Variants in MED13L observed in about 807,000 individuals in gnomAD.
The protein encoded by MED13L is mediator complex subunit 13L, also known as mediator of RNA polymerase II transcription subunit 13-like.
In MED13L, 7 loss-of-function variants were observed where a neutral mutation model predicts 220.9. That is an observed-to-expected ratio of 0.03 (90% confidence interval 0.02 to 0.06). The LOEUF (loss-of-function observed/expected upper bound fraction) is 0.06. Ranked by LOEUF, MED13L falls within the 10% of genes least tolerant of loss-of-function variation. The pLI is 1.00. For missense variants in MED13L, 1,965 were observed against 2,760.5 expected (o/e 0.71, Z 6.46); for synonymous variants, 1,011 against 1,015.2 (o/e 1.00, Z 0.08).
rs573049226 is a variant in MED13L, at chr12:116,138,113, C to T, written c.311-26601G>A. Among the ~76,000 whole-genome samples, 153 of 152,270 alleles carry T rather than the reference C, an allele frequency of 1.0e-3. 1 individual carries two copies. The highest frequency in any genetic ancestry group is 1.8e-3 in the African/African-American group (74 of 41,548). Reference sequence around the variant, plus strand: ...TCAGGCAATCCGCCCGCCTCAGCCTCCCAAAGTGCTGGGATTGCAGGCGTG... The same window carrying T: ...TCAGGCAATCCGCCCGCCTCAGCCTTCCAAAGTGCTGGGATTGCAGGCGTG... On this transcript the variant is annotated intron_variant, in intron 2 of 30. Coordinates refer to ENST00000281928, the MANE Select transcript of MED13L (RefSeq NM_015335.5).
At position 116,008,862 on chromosome 12, in the gene MED13L, T is replaced by G. The variant is rs765566328; in HGVS notation, c.1551A>C (p.Leu517Phe). 5.4e-5 allele frequency: 87 copies of G among 1,613,954 alleles called. No individual in the cohort carries two copies. The highest frequency in any genetic ancestry group is 7.1e-5 in the Non-Finnish European group (84 of 1,179,970). ...CATATTTCCTACTGCTAGACACCTC[T>G]AAGGAGGAGTCTATCCCTGCCAACC... ...KLGLAGIDSS[L>F]EVSSSRKYDK... is the part of the protein sequence containing the mutation. Residue 517 changes from leucine (L) to phenylalanine (F), a missense_variant, in exon 10 of 31, where the codon TTA (leucine) becomes TTC (phenylalanine). Physicochemically the swap from Leu to Phe is conservative, Grantham distance 22 (BLOSUM62 0). Around this residue, in one of 10 missense-constraint regions of MED13L, gnomAD observed 818 missense variants for 1,041.2 expected, o/e 0.79. Coordinates refer to ENST00000281928, the MANE Select transcript of MED13L (RefSeq NM_015335.5).
At position 115,987,599 on chromosome 12, in the gene MED13L, C is replaced by G. The variant is rs542054887; in HGVS notation, c.3935-311G>C. Among the ~76,000 whole-genome samples, 134 of 151,978 alleles carry G rather than the reference C, an allele frequency of 8.8e-4. 1 individual carries two copies. The highest frequency in any genetic ancestry group is 3.1e-3 in the African/African-American group (129 of 41,456). On this transcript the variant is annotated intron_variant, in intron 17 of 30. Coordinates refer to ENST00000281928, the MANE Select transcript of MED13L (RefSeq NM_015335.5). ...TTTTAAAACCATGGAAATCTGTTTC[C>G]AAGGATTTTCATAAGACAGCTGCAA...
intron 2 of MED13L, among the ~76,000 whole-genome samples, chr12:116,205,609 G>A (rs938401557): frequency 6.6e-6 from 1 of 151,306 alleles, no homozygotes; most frequent in Non-Finnish European, 1.5e-5. Flanking sequence ...TTGGCCAGAG[G>A]GAGGGAGAAA....
intron 2 of MED13L, among the ~76,000 whole-genome samples, chr12:116,171,180 G>T (rs1879658721): frequency 6.6e-6 from 1 of 152,200 alleles, no homozygotes; most frequent in South Asian, 2.1e-4. Flanking sequence ...TCCCTTGATG[G>T]TTGCAGACCA....
chr12:116,109,693 A>C (rs1873910334), intron 3 of MED13L, among the ~76,000 whole-genome samples: 1 of 152,190 alleles, frequency 6.6e-6, no homozygotes, highest in African/African-American at 2.4e-5. Context: ...ATTTTCTTGG[A>C]TAGAGTTTCT....
intron 2 of MED13L, among the ~76,000 whole-genome samples, chr12:116,125,052 T>C (rs560170794): frequency 6.6e-6 from 1 of 152,334 alleles, no homozygotes; most frequent in South Asian, 2.1e-4. Context: ...ACACTAAGAA[T>C]GTGCTACAAA....
At chr12:116,077,981 A>G (rs1175398442) in intron 4 of MED13L, among the ~76,000 whole-genome samples, 1 of 152,016 alleles carries the variant, frequency 6.6e-6, no homozygotes, top group African/African-American at 2.4e-5. Flanking sequence ...GGTCTCTACT[A>G]AAAATACAAA....
intron 4 of MED13L, among the ~76,000 whole-genome samples, chr12:116,079,774 C>T (rs1044680701): frequency 2.0e-5 from 3 of 152,034 alleles, no homozygotes; most frequent in African/African-American, 4.8e-5. Flanking sequence ...TGGGCTCAAG[C>T]GATTCACCAG....
chr12:116,172,808 T>C (rs1468232802), intron 2 of MED13L, among the ~76,000 whole-genome samples: 1 of 151,786 alleles, frequency 6.6e-6, no homozygotes, highest in Admixed American at 6.6e-5. Flanking sequence ...CCTCATAACC[T>C]GGTTGGTACA....
intron 2 of MED13L, among the ~76,000 whole-genome samples, chr12:116,126,305 C>G (rs981618982): frequency 6.6e-6 from 1 of 152,140 alleles, no homozygotes; most frequent in African/African-American, 2.4e-5. Context: ...TATGTTCTTT[C>G]GAAATCTGGC....
chr12:116,120,471 TCTCTCTCACACACACACACA>T (rs1372385998), intron 2 of MED13L, among the ~76,000 whole-genome samples: 1 of 114,534 alleles, frequency 8.7e-6, no homozygotes, highest in Non-Finnish European at 1.9e-5. Context: ...TCTCTCTCTC[TCTCTCTCACACACACACACA>T]CACACACACA....
intron 1 of MED13L, among the ~76,000 whole-genome samples, chr12:116,264,713 C>G (rs1872718333): frequency 6.6e-6 from 1 of 152,168 alleles, no homozygotes; most frequent in Non-Finnish European, 1.5e-5. Context: ...TATCTTCCAT[C>G]TTTCCTTCTG....
chr12:116,171,587 A>G (rs574876873), intron 2 of MED13L, among the ~76,000 whole-genome samples: 2 of 152,184 alleles, frequency 1.3e-5, no homozygotes, highest in Non-Finnish European at 2.9e-5. Flanking sequence ...TCCTCTTGCA[A>G]TGGCTCCAGT....
At chr12:115,963,324 T>C in intron 30 of MED13L, 83 bp downstream of exon 30, 1 of 1,162,230 alleles carries the variant, frequency 8.6e-7, no homozygotes. Flanking sequence ...AATACCACAC[T>C]TAGATTAAAA....
At chr12:116,146,049 G>C (rs755365019) in intron 2 of MED13L, among the ~76,000 whole-genome samples, 3 of 152,218 alleles carry the variant, frequency 2.0e-5, no homozygotes, top group Non-Finnish European at 2.9e-5. Context: ...ATGAGGCCCA[G>C]AACGGCTTTG....
chr12:116,186,066 C>T (rs1330272334), intron 2 of MED13L, among the ~76,000 whole-genome samples: 2 of 152,202 alleles, frequency 1.3e-5, no homozygotes, highest in African/African-American at 4.8e-5. Context: ...GCTACCTCTT[C>T]GTTTCTGCAT....
intron 4 of MED13L, among the ~76,000 whole-genome samples, chr12:116,072,611 C>T (rs1808037853): frequency 6.6e-6 from 1 of 152,092 alleles, no homozygotes; most frequent in African/African-American, 2.4e-5. Flanking sequence ...GCCACGATGC[C>T]CGGCTAATTT....
intron 2 of MED13L, among the ~76,000 whole-genome samples, chr12:116,210,678 A>C (rs1882646627): frequency 2.0e-5 from 3 of 150,702 alleles, no homozygotes; most frequent in African/African-American, 7.3e-5. Flanking sequence ...TAATCCTACA[A>C]ATATACTACA....
chr12:116,067,698 C>G (rs1870053023), intron 4 of MED13L, among the ~76,000 whole-genome samples: 1 of 152,088 alleles, frequency 6.6e-6, no homozygotes, highest in Admixed American at 6.6e-5. Context: ...AGAGTCAGAC[C>G]AACTTGGATT....
Sources: allele counts gnomAD v4.1 joint callset (sites outside exome capture counted in the v4.1 genomes callset), GRCh38; gene constraint gnomAD v4.1.1; regional missense constraint gnomAD v4.1.1; transcripts MANE v1.5; gene names NCBI Gene and HGNC (gene_info 2026-07-23, HGNC 2026-07-21).